ENOX1: variants seen among roughly 807,000 people sequenced by gnomAD.
ENOX1 encodes ecto-NOX disulfide-thiol exchanger 1.
ENOX1 carries 42 observed loss-of-function variants against 82.5 expected under a neutral mutation model. The ratio of observed to expected loss-of-function variants is 0.51; its 90% CI spans 0.40 to 0.66. The LOEUF (loss-of-function observed/expected upper bound fraction) is 0.66, where lower values mean the gene tolerates loss of function less well. Ranked by LOEUF, ENOX1 falls within the 30% of genes least tolerant of loss-of-function variation. The pLI, the probability that ENOX1 is intolerant of heterozygous loss-of-function variation, is 0.00. For synonymous variants in ENOX1, 271 were observed against 282.2 expected (o/e 0.96, Z 0.40); for missense variants, 608 against 811.6 (o/e 0.75, Z 3.05).
rs188108545 is a variant in ENOX1 at position 43,768,479 on chromosome 13, A to G, written c.-285+18173T>C. Among the ~76,000 whole-genome samples the G allele has an allele frequency of 2.9e-3, 440 of 152,220 alleles. 4 individuals are homozygous for G. Among genetic ancestry groups the G allele is most frequent in the African/African-American group, 0.01 (422 of 41,522 alleles). ...AACAAAACAAATTTTAAAACTACCCAGGCATGGTGGCACATGCCTTGCAGT... is the reference window on the plus strand; with the variant it reads ...AACAAAACAAATTTTAAAACTACCCGGGCATGGTGGCACATGCCTTGCAGT... On this transcript the variant is annotated intron_variant, in intron 1 of 16. Transcript: ENST00000690772.
chr13:43,344,620 C>A lies in ENOX1; in HGVS notation c.954G>T (p.Met318Ile). Residue 318 changes from methionine (M) to isoleucine (I), a missense_variant, in exon 9 of 17, where the codon ATG becomes ATT. Coordinates refer to ENST00000690772, the MANE Select transcript of ENOX1 (RefSeq NM_001347969.2). Reference protein sequence around the residue: ...QSANSHVRRLMNEKATHEQEM... With the variant: ...QSANSHVRRLINEKATHEQEM... ...CTTGCTCATGGGTGGCTTTTTCATTCATTAGCCGGCGGACGTGGCTGTTGG... is the reference window on the plus strand; with the variant it reads ...CTTGCTCATGGGTGGCTTTTTCATTAATTAGCCGGCGGACGTGGCTGTTGG... The A allele has an allele frequency of 6.2e-7, 1 of 1,614,150 alleles. No homozygotes were observed. Among genetic ancestry groups the A allele is most frequent in the Non-Finnish European group, 8.5e-7 (1 of 1,180,024 alleles).
intron 3 of ENOX1, among the ~76,000 whole-genome samples, chr13:43,466,774 T>C (rs1593340942): frequency 6.6e-6 from 1 of 152,182 alleles, no homozygotes; most frequent in African/African-American, 2.4e-5. Flanking sequence ...AATGAAGTCT[T>C]GTACCCATTA....
At chr13:43,553,995 C>G (rs549867320) in intron 2 of ENOX1, among the ~76,000 whole-genome samples, 2 of 152,312 alleles carry the variant, frequency 1.3e-5, no homozygotes, top group East Asian at 1.9e-4. Flanking sequence ...GTGATCCACA[C>G]ACCTTGGTCT....
chr13:43,574,036 C>T (rs1035455332), intron 2 of ENOX1, among the ~76,000 whole-genome samples: 1 of 152,072 alleles, frequency 6.6e-6, no homozygotes, highest in African/African-American at 2.4e-5. Flanking sequence ...TGCCTTTAAG[C>T]CCTTGACCTA....
chr13:43,466,220 T>G (rs1338845716), intron 3 of ENOX1, among the ~76,000 whole-genome samples: 1 of 151,996 alleles, frequency 6.6e-6, no homozygotes, highest in Non-Finnish European at 1.5e-5. Context: ...AGAGAAAAAC[T>G]ATATGACGAT....
intron 1 of ENOX1, among the ~76,000 whole-genome samples, chr13:43,781,822 TTAAA>T (rs1285094152): frequency 3.3e-5 from 5 of 152,170 alleles, no homozygotes; most frequent in Admixed American, 1.3e-4. Context: ...TGTCCACTAT[TTAAA>T]TAAGAGTCTG....
At chr13:43,585,168 C>CT (rs2080921644) in intron 2 of ENOX1, among the ~76,000 whole-genome samples, 1 of 152,126 alleles carries the variant, frequency 6.6e-6, no homozygotes, top group African/African-American at 2.4e-5. Context: ...GTTACAGTGG[C>CT]TTAATGTGAG....
At chr13:43,446,986 C>G (rs1169086555) in intron 3 of ENOX1, among the ~76,000 whole-genome samples, 1 of 152,204 alleles carries the variant, frequency 6.6e-6, no homozygotes, top group Non-Finnish European at 1.5e-5. Flanking sequence ...AAACAGAATA[C>G]TGGCAAATGA....
intron 14 of ENOX1, among the ~76,000 whole-genome samples, chr13:43,263,385 A>G (rs1257839266): frequency 1.3e-5 from 2 of 152,180 alleles, no homozygotes; most frequent in African/African-American, 4.8e-5. Context: ...CCATCTCTCA[A>G]CAGTCATTGC....
intron 1 of ENOX1, among the ~76,000 whole-genome samples, chr13:43,765,898 T>A (rs1378639047): frequency 6.6e-6 from 1 of 152,242 alleles, no homozygotes; most frequent in African/African-American, 2.4e-5. Context: ...TGTCTTCACA[T>A]ACAGTCTGCC....
At chr13:43,403,004 T>G (rs962508354) in intron 5 of ENOX1, among the ~76,000 whole-genome samples, 4 of 152,120 alleles carry the variant, frequency 2.6e-5, no homozygotes, top group African/African-American at 9.7e-5. Flanking sequence ...GGAATGTATG[T>G]ATTTGTGATA....
At chr13:43,559,084 G>A (rs1434744290) in intron 2 of ENOX1, among the ~76,000 whole-genome samples, 1 of 152,150 alleles carries the variant, frequency 6.6e-6, no homozygotes, top group Non-Finnish European at 1.5e-5. Flanking sequence ...TCAGTTCATG[G>A]CAATATTCAG....
intron 2 of ENOX1, among the ~76,000 whole-genome samples, chr13:43,633,472 G>T (rs138683775): frequency 3.9e-5 from 6 of 152,154 alleles, no homozygotes; most frequent in Non-Finnish European, 5.9e-5. Flanking sequence ...TAAAAATCCC[G>T]CATTGGGATC....
At chr13:43,376,436 C>T (rs1232627934) in intron 5 of ENOX1, among the ~76,000 whole-genome samples, 1 of 152,160 alleles carries the variant, frequency 6.6e-6, no homozygotes, top group African/African-American at 2.4e-5. Context: ...AAATACTCAC[C>T]ATCATCAAGT....
chr13:43,348,234 G>A (rs1400514410), intron 8 of ENOX1, among the ~76,000 whole-genome samples: 2 of 152,210 alleles, frequency 1.3e-5, no homozygotes. Flanking sequence ...TCTTTGCTAT[G>A]TTTCCACAAT....
intron 2 of ENOX1, among the ~76,000 whole-genome samples, chr13:43,490,095 C>T (rs770094975): frequency 1.5e-4 from 23 of 152,198 alleles, no homozygotes; most frequent in Admixed American, 4.6e-4. Flanking sequence ...CCTGCCCCCA[C>T]GCCCAGCCAG....
chr13:43,432,925 T>C (rs1329441663), intron 3 of ENOX1, among the ~76,000 whole-genome samples: 2 of 152,138 alleles, frequency 1.3e-5, no homozygotes, highest in Non-Finnish European at 2.9e-5. Context: ...CAGCAATTAA[T>C]TGTCAATAAA....
At chr13:43,612,443 C>T (rs1295911383) in intron 2 of ENOX1, among the ~76,000 whole-genome samples, 6 of 152,070 alleles carry the variant, frequency 3.9e-5, no homozygotes, top group Non-Finnish European at 8.8e-5. Context: ...TTTTCATTGG[C>T]AAAAAGACTA....
chr13:43,703,605 G>T (rs2087048684), intron 1 of ENOX1, among the ~76,000 whole-genome samples: 1 of 152,122 alleles, frequency 6.6e-6, no homozygotes, highest in Non-Finnish European at 1.5e-5. Context: ...CTTGAGAGTA[G>T]ATTTTATTCA....
Sources: gnomAD v4.1 joint callset for allele counts (sites outside exome capture counted in the v4.1 genomes callset) on GRCh38, gnomAD v4.1.1 for gene constraint, MANE v1.5 for transcripts, NCBI Gene and HGNC (gene_info 2026-07-23, HGNC 2026-07-21) for gene names.